TRIO: variants seen among roughly 807,000 people sequenced by gnomAD.
TRIO encodes the protein triple functional domain protein.
A neutral mutation model predicts 351.9 loss-of-function variants in TRIO; 58 were observed. The observed-to-expected ratio is 0.16, with a 90% confidence interval of 0.13 to 0.21. TRIO has a LOEUF of 0.21. Among genes scored for constraint, TRIO ranks in the 10% least tolerant of loss-of-function variants. The pLI, the probability that TRIO is intolerant of heterozygous loss-of-function variation, is 1.00. For missense variants in TRIO, 3,201 were observed against 4,027.8 expected (o/e 0.79, Z 5.56); for synonymous variants, 1,758 against 1,595.7 (o/e 1.10, Z -2.42).
intron 13 of TRIO, among the ~76,000 whole-genome samples, chr5:14,361,882 C>T (rs894342704): frequency 6.6e-6 from 1 of 152,150 alleles, no homozygotes; most frequent in Admixed American, 6.5e-5. Flanking sequence ...CTTTGGGAGG[C>T]CAAGGTGGGC....
At chr5:14,439,604 C>T (rs889494022) in intron 34 of TRIO, among the ~76,000 whole-genome samples, 7 of 152,130 alleles carry the variant, frequency 4.6e-5, no homozygotes, top group Admixed American at 3.3e-4. Flanking sequence ...ATTTTTAGTG[C>T]TTTTTGCTAA....
intron 36 of TRIO, among the ~76,000 whole-genome samples, chr5:14,464,400 C>T (rs1754085731): frequency 6.6e-6 from 1 of 152,170 alleles, no homozygotes; most frequent in East Asian, 1.9e-4. Flanking sequence ...TTATCAGTAG[C>T]AGTTCTTCAT....
At chr5:14,294,072 G>T (rs2015269) in intron 6 of TRIO, among the ~76,000 whole-genome samples, 4,586 of 152,132 alleles carry the variant, frequency 0.03, 255 homozygotes, top group African/African-American at 0.11. Context: ...TGTAGTCCCA[G>T]CTATTTGGGA....
At chr5:14,211,805 T>C (rs1261599438) in intron 1 of TRIO, among the ~76,000 whole-genome samples, 4 of 151,558 alleles carry the variant, frequency 2.6e-5, no homozygotes, top group South Asian at 2.1e-4. Context: ...AAGAGAAATA[T>C]AGTAGATTAA....
chr5:14,501,574 C>A (rs1321244660), intron 53 of TRIO, among the ~76,000 whole-genome samples: 1 of 152,224 alleles, frequency 6.6e-6, no homozygotes, highest in Non-Finnish European at 1.5e-5. Context: ...TGATTTCCAG[C>A]CATGAGTGAG....
intron 1 of TRIO, among the ~76,000 whole-genome samples, chr5:14,228,524 G>A (rs1422445576): frequency 6.6e-6 from 1 of 152,276 alleles, no homozygotes; most frequent in Non-Finnish European, 1.5e-5. Context: ...AAGTCACTCA[G>A]TAGCCCATCT....
At chr5:14,151,386 TTGTGTGTGTG>T (rs34382232) in intron 1 of TRIO, among the ~76,000 whole-genome samples, 1 of 148,656 alleles carries the variant, frequency 6.7e-6, no homozygotes, top group African/African-American at 2.5e-5. Context: ...GTGTGTGTGT[TTGTGTGTGTG>T]TGTGTGTGTG....
intron 1 of TRIO, among the ~76,000 whole-genome samples, chr5:14,144,904 A>AGGCGGC (rs553815914): frequency 1.3e-4 from 19 of 149,198 alleles, no homozygotes; most frequent in African/African-American, 3.0e-4. Context: ...GAGGAGGAGG[A>AGGCGGC]GGCGGCGGCG....
At chr5:14,316,817 G>T (rs1244929844) in intron 9 of TRIO, 74 bp downstream of exon 9, 2 of 1,443,522 alleles carry the variant, frequency 1.4e-6, no homozygotes, top group East Asian at 2.5e-5. Flanking sequence ...TCATCATATT[G>T]GGAAGATCTG....
rs927233695 is a variant in TRIO, at chr5:14,488,061, C to G, written c.7433C>G (p.Pro2478Arg). The change falls in exon 48 of 57, where the codon CCC (proline) becomes CGC (arginine). Residue 2478 changes from proline to arginine, a missense_variant. Coordinates refer to ENST00000344204, the MANE Select transcript of TRIO (RefSeq NM_007118.4). ...AAGGAGCCCTTCCCCCCCAGCAGCC[C>G]CCTGCAGAAGGGGGGCTCCTTCTGG... ...LGKEPFPPSS[P>R]LQKGGSFWSS... is the part of the protein sequence containing the mutation. 6.2e-7 allele frequency: 1 copy of G among 1,609,968 alleles called. No individual in the cohort carries two copies.
In TRIO at chr5:14,297,247, A is replaced by G. The variant is rs1395679870; in HGVS notation, c.1352A>G (p.His451Arg). 2 of 1,613,820 alleles carry G rather than the reference A, an allele frequency of 1.2e-6. No individual in the cohort carries two copies. Among genetic ancestry groups the G allele is most frequent in the South Asian group, 2.2e-5 (2 of 91,050 alleles). The part of the protein sequence containing the change: ...STLLDMSSIF[H>R]QKAEKYMSNV... Reference sequence around the variant, plus strand: ...TTGCTGGACATGTCCTCCATTTTCCACCAGAAGGCCGAAAAGGTCAGTGCC... The same window carrying G: ...TTGCTGGACATGTCCTCCATTTTCCGCCAGAAGGCCGAAAAGGTCAGTGCC... Residue 451 changes from histidine (H) to arginine (R), a missense_variant, in exon 7 of 57, where the codon CAC becomes CGC. Around this residue, in one of 19 missense-constraint regions of TRIO, gnomAD observed 349 missense variants for 449.3 expected, o/e 0.78. Coordinates refer to ENST00000344204, the MANE Select transcript of TRIO (RefSeq NM_007118.4).
At chr5:14,215,883 T>C (rs533598039) in intron 1 of TRIO, among the ~76,000 whole-genome samples, 2 of 152,304 alleles carry the variant, frequency 1.3e-5, no homozygotes, top group East Asian at 3.9e-4. Flanking sequence ...TATGTTGATT[T>C]GGTTATTTTA....
Position 14,291,139 on chromosome 5 carries a change from C to T in TRIO, c.964C>T (p.Arg322Trp), listed in dbSNP as rs1192424311. 6.2e-6 allele frequency: 10 copies of T among 1,614,060 alleles called. No individual in the cohort carries two copies. Among genetic ancestry groups the T allele is most frequent in the South Asian group, 2.2e-5 (2 of 91,086 alleles). Reference sequence around the variant, plus strand: ...CATGCTGGACCGGCTGCACTCGACACGGCAGCATCTGCACCAGATGTGGCA... The same window carrying T: ...CATGCTGGACCGGCTGCACTCGACATGGCAGCATCTGCACCAGATGTGGCA... ...STMLDRLHSTRQHLHQMWHVR... is the reference protein window; with the variant it reads ...STMLDRLHSTWQHLHQMWHVR... Residue 322 changes from arginine (R) to tryptophan (W), a missense_variant, in exon 5 of 57, where the codon CGG becomes TGG. Arg to Trp is a moderately radical substitution (Grantham distance 101, BLOSUM62 -3). Coordinates refer to ENST00000344204, the MANE Select transcript of TRIO (RefSeq NM_007118.4).
chr5:14,374,722 C>A (rs1165162472), intron 19 of TRIO, among the ~76,000 whole-genome samples: 2 of 152,008 alleles, frequency 1.3e-5, no homozygotes, highest in Non-Finnish European at 2.9e-5. Flanking sequence ...GAAAATACAT[C>A]CCAATTTTAT....
chr5:14,242,489 T>C lies in TRIO; in HGVS notation c.158-28336T>C, dbSNP rs554990234. On this transcript the variant is annotated intron_variant, in intron 1 of 56. Coordinates refer to ENST00000344204, the MANE Select transcript of TRIO (RefSeq NM_007118.4). ...GGGGATCCTCACAAGAAGAAAATAG[T>C]GTTGCCTACCAGGCATAAAGGAGTT... Among the ~76,000 whole-genome samples, 19 of 152,316 alleles carry C rather than the reference T, an allele frequency of 1.2e-4. No individual in the cohort carries two copies. In the East Asian group the frequency reaches 3.7e-3, roughly 29 times the overall value.
intron 1 of TRIO, among the ~76,000 whole-genome samples, chr5:14,174,714 A>T (rs1789303372): frequency 6.6e-6 from 1 of 152,242 alleles, no homozygotes; most frequent in South Asian, 2.1e-4. Context: ...TAGAGGTCAG[A>T]TCGCCAAATA....
chr5:14,239,247 T>G (rs1269380903), intron 1 of TRIO, among the ~76,000 whole-genome samples: 1 of 152,196 alleles, frequency 6.6e-6, no homozygotes, highest in African/African-American at 2.4e-5. Context: ...TCTATCCTAG[T>G]TAGCAGTAAG....
At position 14,492,659 on chromosome 5, in the gene TRIO, A is replaced by C. The variant is rs1756574215; in HGVS notation, c.7725A>C (p.Gly2575=). The change falls in exon 49 of 57, where the codon GGA becomes GGC. Residue 2575 remains glycine, a synonymous_variant. Transcript: ENST00000344204. ...VKEDEINVYQ[G]EVVQILASNQ... ...AGGATGAGATCAACGTCTACCAAGG[A>C]GAGGTCGTTCAAATTCTGGCCAGCA... 2 of 1,614,082 alleles carry C rather than the reference A, an allele frequency of 1.2e-6. No individual in the cohort carries two copies. The highest frequency in any genetic ancestry group is 1.7e-6 in the Non-Finnish European group (2 of 1,180,048).
intron 47 of TRIO, among the ~76,000 whole-genome samples, chr5:14,487,236 C>A (rs1579800369): frequency 1.3e-5 from 2 of 152,120 alleles, no homozygotes; most frequent in Admixed American, 1.3e-4. Context: ...GCCCTTAGTC[C>A]GGGATGTGCT....
Sources: gnomAD v4.1 joint callset for allele counts (sites outside exome capture counted in the v4.1 genomes callset) on GRCh38, gnomAD v4.1.1 for gene constraint, gnomAD v4.1.1 regional missense constraint, MANE v1.5 for transcripts, NCBI Gene and HGNC (gene_info 2026-07-23, HGNC 2026-07-21) for gene names.